Variants in ZFYVE9 observed in about 807,000 individuals in gnomAD.
ZFYVE9 encodes zinc finger FYVE domain-containing protein 9.
A neutral mutation model predicts 126.7 loss-of-function variants in ZFYVE9; 43 were observed. That is an observed-to-expected ratio of 0.34 (90% CI 0.27 to 0.44). ZFYVE9 has a LOEUF of 0.44. Among genes scored for constraint, ZFYVE9 ranks in the 20% least tolerant of loss-of-function variants. The pLI is 1.00. For missense variants in ZFYVE9, 1,476 were observed against 1,697.0 expected (o/e 0.87, Z 2.29); for synonymous variants, 521 against 597.4 (o/e 0.87, Z 1.87).
intron 5 of ZFYVE9, among the ~76,000 whole-genome samples, chr1:52,264,293 T>A (rs530035848): frequency 2.2e-3 from 329 of 152,348 alleles, no homozygotes; most frequent in Non-Finnish European, 3.4e-3. Flanking sequence ...TGTGTTCTTA[T>A]CAACACCTTG....
At chr1:52,197,505 A>T (rs2124563066) in intron 1 of ZFYVE9, among the ~76,000 whole-genome samples, 1 of 152,260 alleles carries the variant, frequency 6.6e-6, no homozygotes, top group South Asian at 2.1e-4. Flanking sequence ...AAATTGAGAA[A>T]AGAAGAGGAC....
chr1:52,197,021 C>T (rs1644866977), intron 1 of ZFYVE9, among the ~76,000 whole-genome samples: 1 of 152,016 alleles, frequency 6.6e-6, no homozygotes, highest in African/African-American at 2.4e-5. Flanking sequence ...AGAAGAATCA[C>T]TTGAATAGAT....
At chr1:52,163,766 G>C (rs1289425445) in intron 1 of ZFYVE9, among the ~76,000 whole-genome samples, 1 of 151,848 alleles carries the variant, frequency 6.6e-6, no homozygotes, top group Non-Finnish European at 1.5e-5. Flanking sequence ...TTGAGCCCAG[G>C]AGTTTAAGAC....
At chr1:52,310,127 A>G (rs931898567) in intron 13 of ZFYVE9, among the ~76,000 whole-genome samples, 3 of 151,680 alleles carry the variant, frequency 2.0e-5, no homozygotes, top group Non-Finnish European at 4.4e-5. Flanking sequence ...ACACACCATC[A>G]TGTCCGGCCA....
chr1:52,287,403 A>G (rs1419956390), intron 10 of ZFYVE9, among the ~76,000 whole-genome samples: 1 of 152,138 alleles, frequency 6.6e-6, no homozygotes, highest in Non-Finnish European at 1.5e-5. Flanking sequence ...GTGAGCCACC[A>G]TGCAGTCTAA....
intron 1 of ZFYVE9, among the ~76,000 whole-genome samples, chr1:52,184,940 G>T (rs959807746): frequency 5.9e-5 from 9 of 152,102 alleles, no homozygotes; most frequent in African/African-American, 2.2e-4. Flanking sequence ...GATTGTTTGA[G>T]CTCAGGAGTT....
At chr1:52,195,917 C>T (rs1031419360) in intron 1 of ZFYVE9, among the ~76,000 whole-genome samples, 14 of 151,906 alleles carry the variant, frequency 9.2e-5, no homozygotes, top group Admixed American at 2.0e-4. Flanking sequence ...CTCAGCCTCC[C>T]GAGTAGCCGG....
intron 1 of ZFYVE9, among the ~76,000 whole-genome samples, chr1:52,161,456 A>G (rs12037257): frequency 0.064 from 9,749 of 151,998 alleles, 874 homozygotes; most frequent in African/African-American, 0.19. Context: ...CGCCCAGCTA[A>G]TTTTTTGTAT....
chr1:52,345,780 A>G (rs191004094), intron 18 of ZFYVE9: 1 of 280,864 alleles, frequency 3.6e-6, no homozygotes, highest in East Asian at 6.2e-5. Context: ...ATTATTTCTG[A>G]TACTCCATAC....
intron 13 of ZFYVE9, among the ~76,000 whole-genome samples, chr1:52,331,450 T>TAAA (rs527807876): frequency 8.8e-5 from 12 of 136,376 alleles, no homozygotes; most frequent in African/African-American, 2.9e-4. Context: ...CCCTGTCTCT[T>TAAA]AAAAAAAAAA....
At chr1:52,215,674 G>A (rs888263563) in intron 1 of ZFYVE9, among the ~76,000 whole-genome samples, 28 of 152,094 alleles carry the variant, frequency 1.8e-4, no homozygotes, top group African/African-American at 6.8e-4. Flanking sequence ...TCTTGTTCAA[G>A]GCTAAATTAG....
At chr1:52,298,889 A>G (rs1221041979) in intron 12 of ZFYVE9, among the ~76,000 whole-genome samples, 1 of 145,120 alleles carries the variant, frequency 6.9e-6, no homozygotes, top group Non-Finnish European at 1.5e-5. Flanking sequence ...GGCTCACTGC[A>G]AGCTCCGCCT....
rs1297163301 is a variant in ZFYVE9, at chr1:52,244,143, G to T, written c.2178+4548G>T. Among the ~76,000 whole-genome samples the T allele has an allele frequency of 2.6e-5, 4 of 152,282 alleles. No homozygotes were observed. The East Asian group carries it at 7.7e-4, about 29-fold the overall frequency. On this transcript the variant is annotated intron_variant, in intron 4 of 18. Transcript: ENST00000287727. ...AGCAATGTTTACAGAAGCCAGATGGGAATGGGTTGAAAGTGGAATATGAAG... is the reference window on the plus strand; with the variant it reads ...AGCAATGTTTACAGAAGCCAGATGGTAATGGGTTGAAAGTGGAATATGAAG...
At chr1:52,337,728 CTG>C (rs758009326) in intron 15 of ZFYVE9, 42 bp from the exon 16 acceptor site, 1 of 1,595,144 alleles carries the variant, frequency 6.3e-7, no homozygotes, top group Non-Finnish European at 8.6e-7. Flanking sequence ...ATGCCAGGTG[CTG>C]TGTTTCATTT....
At chr1:52,224,294 G>A (rs145717096) in intron 2 of ZFYVE9, among the ~76,000 whole-genome samples, 6 of 152,130 alleles carry the variant, frequency 3.9e-5, no homozygotes, top group Non-Finnish European at 8.8e-5. Context: ...GGAACTGAGT[G>A]TTCAGCTTGG....
chr1:52,224,002 G>A (rs1645147702), intron 2 of ZFYVE9, among the ~76,000 whole-genome samples: 1 of 152,180 alleles, frequency 6.6e-6, no homozygotes, highest in Admixed American at 6.5e-5. Context: ...TTCCAAAAGG[G>A]TCGTCTAACA....
intron 1 of ZFYVE9, among the ~76,000 whole-genome samples, chr1:52,159,171 T>A (rs1184339101): frequency 2.0e-5 from 3 of 152,224 alleles, no homozygotes; most frequent in Admixed American, 6.5e-5. Flanking sequence ...GGGAACATTC[T>A]CCCAAGTCAC....
At chr1:52,228,159 A>T in intron 2 of ZFYVE9, among the ~76,000 whole-genome samples, 1 of 151,998 alleles carries the variant, frequency 6.6e-6, no homozygotes, top group East Asian at 1.9e-4. Flanking sequence ...GCCCACTGCA[A>T]CCTCCGTCTC....
chr1:52,313,368 G>C (rs61782536), intron 13 of ZFYVE9, among the ~76,000 whole-genome samples: 1 of 152,158 alleles, frequency 6.6e-6, no homozygotes, highest in Non-Finnish European at 1.5e-5. Context: ...GCCATAGAGC[G>C]GGTAGGGGAA....
Sources: gnomAD v4.1 joint callset for allele counts (sites outside exome capture counted in the v4.1 genomes callset) on GRCh38, gnomAD v4.1.1 for gene constraint, MANE v1.5 for transcripts, NCBI Gene and HGNC (gene_info 2026-07-23, HGNC 2026-07-21) for gene names.